ARHGAP12: variants seen among roughly 807,000 people sequenced by gnomAD.
The protein encoded by ARHGAP12 is Rho GTPase activating protein 12, also known as rho GTPase-activating protein 12.
ARHGAP12 carries 64 observed loss-of-function variants against 108.6 expected under a neutral mutation model. That is an observed-to-expected ratio of 0.59 (90% CI 0.48 to 0.73). The LOEUF (loss-of-function observed/expected upper bound fraction) is 0.73. Among genes scored for constraint, ARHGAP12 ranks in the 30% least tolerant of loss-of-function variants. The pLI is 0.00. For synonymous variants in ARHGAP12, 312 were observed against 337.2 expected, an observed-to-expected ratio of 0.93 and a Z score of 0.82; for missense variants, 940 against 1,005.9, an observed-to-expected ratio of 0.93 and a Z score of 0.89.
chr10:31,911,499 A>G (rs1430008642), intron 1 of ARHGAP12, among the ~76,000 whole-genome samples: 1 of 150,840 alleles, frequency 6.6e-6, no homozygotes, highest in Non-Finnish European at 1.5e-5. Context: ...ATTTTTTTAG[A>G]GATGAGGTTC....
At chr10:31,860,270 T>A (rs1031207545) in intron 4 of ARHGAP12, among the ~76,000 whole-genome samples, 2 of 152,212 alleles carry the variant, frequency 1.3e-5, no homozygotes, top group African/African-American at 4.8e-5. Flanking sequence ...TTTTTCTAGA[T>A]CCTATCTACC....
chr10:31,846,650 G>A (rs1406804024), intron 6 of ARHGAP12, among the ~76,000 whole-genome samples: 1 of 152,138 alleles, frequency 6.6e-6, no homozygotes, highest in Non-Finnish European at 1.5e-5. Flanking sequence ...CAGGGGGAGG[G>A]AGGGTCTTTA....
chr10:31,820,491 T>C lies in ARHGAP12; in HGVS notation c.1531-3A>G. On this transcript the variant is annotated splice_region_variant and splice_polypyrimidine_tract_variant and intron_variant, in intron 11 of 19. Transcript: ENST00000344936. ...GGTTTGGACTGATTACTGCCAAACTTCATTTTTGAAAAAGAAAAAAAACCT... is the reference window on the plus strand; with the variant it reads ...GGTTTGGACTGATTACTGCCAAACTCCATTTTTGAAAAAGAAAAAAAACCT... 1 of 1,568,442 alleles carries C rather than the reference T, an allele frequency of 6.4e-7. No homozygotes were observed. Among genetic ancestry groups the C allele is most frequent in the Non-Finnish European group, 8.6e-7 (1 of 1,161,620 alleles).
chr10:31,836,896 A>C (rs1836041667), intron 9 of ARHGAP12, among the ~76,000 whole-genome samples: 1 of 152,056 alleles, frequency 6.6e-6, no homozygotes. Flanking sequence ...GAAAAACAGA[A>C]CCACCTCTGG....
intron 4 of ARHGAP12, among the ~76,000 whole-genome samples, chr10:31,859,785 C>A (rs557218520): frequency 6.7e-6 from 1 of 150,310 alleles, no homozygotes; most frequent in African/African-American, 2.4e-5. Flanking sequence ...ATGTACAATT[C>A]AAATAAAATT....
intron 3 of ARHGAP12, among the ~76,000 whole-genome samples, chr10:31,891,845 T>A (rs935338555): frequency 6.6e-6 from 1 of 152,230 alleles, no homozygotes; most frequent in Admixed American, 6.5e-5. Flanking sequence ...CCTCCATCAC[T>A]GATACCTCTT....
chr10:31,826,674 T>C (rs1835623596), intron 10 of ARHGAP12: 1 of 283,988 alleles, frequency 3.5e-6, no homozygotes, highest in Non-Finnish European at 6.5e-6. Flanking sequence ...AATACAGCAC[T>C]TTGTGATCAA....
intron 16 of ARHGAP12, 173 bp from the exon 17 acceptor site, chr10:31,809,480 T>G: frequency 1.7e-6 from 1 of 600,908 alleles, no homozygotes; most frequent in Non-Finnish European, 3.0e-6. Flanking sequence ...GGGAGAGAGA[T>G]GGAGATTCGC....
At chr10:31,923,093 T>C (rs566420303) in intron 1 of ARHGAP12, among the ~76,000 whole-genome samples, 2 of 137,342 alleles carry the variant, frequency 1.5e-5, no homozygotes, top group East Asian at 4.1e-4. Flanking sequence ...AACATGCCAC[T>C]GTACTGCAGC....
chr10:31,904,199 G>C (rs1029042749), intron 3 of ARHGAP12, among the ~76,000 whole-genome samples: 3 of 152,104 alleles, frequency 2.0e-5, no homozygotes, highest in Admixed American at 1.3e-4. Context: ...CCAAAAACTG[G>C]AAACAACCTA....
At chr10:31,864,926 A>G (rs1837266034) in intron 3 of ARHGAP12, among the ~76,000 whole-genome samples, 1 of 152,228 alleles carries the variant, frequency 6.6e-6, no homozygotes, top group South Asian at 2.1e-4. Flanking sequence ...GGGAGCAAAA[A>G]GGAAGAGACC....
At chr10:31,844,423 T>C (rs1293224257) in intron 6 of ARHGAP12, among the ~76,000 whole-genome samples, 1 of 152,210 alleles carries the variant, frequency 6.6e-6, no homozygotes, top group Non-Finnish European at 1.5e-5. Flanking sequence ...ATTTTCATTT[T>C]TATCATGTGA....
intron 3 of ARHGAP12, among the ~76,000 whole-genome samples, chr10:31,906,087 T>C (rs1839123138): frequency 6.6e-6 from 1 of 152,112 alleles, no homozygotes; most frequent in South Asian, 2.1e-4. Flanking sequence ...CTGCTCCATC[T>C]GAAGAAAACT....
chr10:31,867,648 AC>A (rs1471792694), intron 3 of ARHGAP12, among the ~76,000 whole-genome samples: 2 of 152,340 alleles, frequency 1.3e-5, no homozygotes, highest in East Asian at 3.8e-4. Flanking sequence ...AATCAGCAGA[AC>A]CTTTTTGGAA....
intron 9 of ARHGAP12, among the ~76,000 whole-genome samples, chr10:31,838,673 T>C (rs1314209151): frequency 6.6e-6 from 1 of 151,424 alleles, no homozygotes; most frequent in African/African-American, 2.4e-5. Context: ...CTACTAAAAA[T>C]ACAAAAAATT....
chr10:31,902,811 G>A (rs1838984168), intron 3 of ARHGAP12, among the ~76,000 whole-genome samples: 1 of 152,150 alleles, frequency 6.6e-6, no homozygotes, highest in Non-Finnish European at 1.5e-5. Context: ...CTGGGCCACA[G>A]TACTCAGATA....
At position 31,809,106 on chromosome 10, in the gene ARHGAP12, G is replaced by C; in HGVS notation, c.2151C>G (p.Asp717Glu). ...TGACATGAATATCTTCCCATTTACT[G>C]TCATTCAAGTCCAATTTCTCATCTG... ...VNHDEKLDLN[D>E]SKWEDIHVIT... The change falls in exon 18 of 20, where the codon GAC becomes GAG. Residue 717 changes from aspartate to glutamate, a missense_variant. By Grantham distance (45) the Asp-to-Glu change is conservative. Coordinates refer to ENST00000344936, the MANE Select transcript of ARHGAP12 (RefSeq NM_018287.7). The C allele has an allele frequency of 6.2e-7, 1 of 1,613,446 alleles. No homozygotes were observed. The highest frequency in any genetic ancestry group is 8.5e-7 in the Non-Finnish European group (1 of 1,179,748).
At chr10:31,882,624 C>A (rs1010474406) in intron 3 of ARHGAP12, among the ~76,000 whole-genome samples, 4 of 150,794 alleles carry the variant, frequency 2.7e-5, no homozygotes, top group African/African-American at 9.8e-5. Context: ...ACCAGCCTAG[C>A]CAACATGGTG....
At chr10:31,926,773 G>C (rs971135263) in intron 1 of ARHGAP12, among the ~76,000 whole-genome samples, 1 of 152,166 alleles carries the variant, frequency 6.6e-6, no homozygotes, top group African/African-American at 2.4e-5. Context: ...TTAAAGAAAA[G>C]TCAAATGATT....
Sources: gnomAD v4.1 joint callset for allele counts (sites outside exome capture counted in the v4.1 genomes callset) on GRCh38, gnomAD v4.1.1 for gene constraint, MANE v1.5 for transcripts, NCBI Gene and HGNC (gene_info 2026-07-23, HGNC 2026-07-21) for gene names.